KLHL13: variants seen among roughly 807,000 people sequenced by gnomAD.
KLHL13 encodes the protein kelch like family member 13.
A neutral mutation model predicts 37.1 loss-of-function variants in KLHL13; 10 were observed. The ratio of observed to expected loss-of-function variants is 0.27; its 90% CI spans 0.17 to 0.46. The LOEUF (loss-of-function observed/expected upper bound fraction) is 0.46, where lower values mean the gene tolerates loss of function less well. Ranked by LOEUF, KLHL13 falls within the 20% of genes least tolerant of loss-of-function variation. KLHL13 has a pLI of 1.00. For synonymous variants in KLHL13, 163 were observed against 181.2 expected (o/e 0.90, Z 0.81); for missense variants, 360 against 509.3 (o/e 0.71, Z 2.82).
At chrX:118,065,513 C>T (rs1162750316) in intron 1 of KLHL13, among the ~76,000 whole-genome samples, 1 of 111,320 alleles carries the variant, frequency 9.0e-6, no homozygotes, top group East Asian at 2.8e-4. Flanking sequence ...GGAATTGGAG[C>T]AGAGCAATTC....
chrX:118,086,194 C>T (rs1327053469), intron 1 of KLHL13, among the ~76,000 whole-genome samples: 3 of 111,792 alleles, frequency 2.7e-5, no homozygotes, highest in African/African-American at 6.5e-5. Flanking sequence ...CCTTGGCCTC[C>T]CAAAGTGCTG....
At chrX:118,012,394 T>C (rs1005682229) in intron 1 of KLHL13, among the ~76,000 whole-genome samples, 20 of 110,543 alleles carry the variant, frequency 1.8e-4, no homozygotes, top group Non-Finnish European at 3.2e-4. Flanking sequence ...TTATTTTTTT[T>C]CCCCAGATTC....
intron 1 of KLHL13, among the ~76,000 whole-genome samples, chrX:118,110,110 T>C (rs2055391375): frequency 9.0e-6 from 1 of 111,722 alleles, no homozygotes. Flanking sequence ...CAAGATGTTA[T>C]ATAAAGATAA....
chrX:117,957,548 A>G (rs2053223458), intron 1 of KLHL13, among the ~76,000 whole-genome samples: 1 of 112,464 alleles, frequency 8.9e-6, no homozygotes, highest in South Asian at 3.6e-4. Flanking sequence ...CTTGCTAAAC[A>G]AGTAATGTGT....
chrX:118,033,289 G>C (rs372714795), intron 1 of KLHL13, among the ~76,000 whole-genome samples: 1 of 110,934 alleles, frequency 9.0e-6, no homozygotes, highest in Admixed American at 9.6e-5. Flanking sequence ...ACACATAATT[G>C]TCACATTCAC....
intron 1 of KLHL13, among the ~76,000 whole-genome samples, chrX:117,996,830 TA>T (rs5903508): frequency 0.13 from 12,534 of 94,552 alleles, 907 homozygotes; most frequent in African/African-American, 0.27. Context: ...ATAGCCTATT[TA>T]AAAAAAAAAA....
intron 1 of KLHL13, among the ~76,000 whole-genome samples, chrX:117,965,920 T>C (rs1297973736): frequency 1.8e-5 from 2 of 111,511 alleles, no homozygotes; most frequent in South Asian, 3.8e-4. Flanking sequence ...TAATAAGAGC[T>C]ATCTATGACA....
Position 118,076,676 on chromosome X carries a change from A to G in KLHL13, c.-56+39832T>C, listed in dbSNP as rs779414803. On this transcript the variant is annotated intron_variant, in intron 1 of 6. Transcript: ENST00000371882. ...AAGTAGGTTATCCTTCCTAATGTTG[A>G]TGAGTCTCATCCAATCATTTGAAGG... is the stretch of plus-strand genomic sequence containing the variant. Among the ~76,000 whole-genome samples, 20 of 111,148 alleles carry G rather than the reference A, an allele frequency of 1.8e-4. No homozygotes were observed. The South Asian group carries it at 7.3e-3, about 40-fold the overall frequency.
At chrX:117,917,543 G>C (rs1388893619) in intron 4 of KLHL13, among the ~76,000 whole-genome samples, 2 of 112,149 alleles carry the variant, frequency 1.8e-5, no homozygotes, top group Non-Finnish European at 3.8e-5. Context: ...CTAATTACTG[G>C]AAATTAGCAA....
intron 1 of KLHL13, among the ~76,000 whole-genome samples, chrX:117,990,538 C>T (rs1415775147): frequency 9.0e-6 from 1 of 111,651 alleles, no homozygotes; most frequent in Admixed American, 9.5e-5. Context: ...ACTGTTAAAT[C>T]CTATTAAATT....
At chrX:118,105,036 T>A (rs1169360272) in intron 1 of KLHL13, among the ~76,000 whole-genome samples, 1 of 112,369 alleles carries the variant, frequency 8.9e-6, no homozygotes, top group Non-Finnish European at 1.9e-5. Context: ...AAAGTTTTTT[T>A]CCAGTTTAAA....
intron 1 of KLHL13, among the ~76,000 whole-genome samples, chrX:118,049,310 G>A (rs1211917435): frequency 1.8e-5 from 2 of 111,732 alleles, no homozygotes; most frequent in Non-Finnish European, 3.8e-5. Flanking sequence ...TCAAAAAACC[G>A]CAAAATCTAG....
rs769865195 is a variant in KLHL13 at position 117,959,466 on chromosome X, T to C, written c.98+13265A>G. On this transcript the variant is annotated intron_variant, in intron 1 of 6. Coordinates refer to ENST00000262820, the Ensembl canonical transcript of KLHL13. ...GTCAGACAAGAGAAGAGCTCTGATA[T>C]AATCACATTTAATAAAGAGAAACCT... is the stretch of plus-strand genomic sequence containing the variant. 8.8e-4 allele frequency among the ~76,000 whole-genome samples: 99 copies of C among 112,530 alleles called. 1 individual carries two copies. The highest frequency in any genetic ancestry group is 1.8e-3 in the South Asian group (5 of 2,741).
chrX:118,104,053 A>C (rs907788370), intron 1 of KLHL13, among the ~76,000 whole-genome samples: 1 of 87,981 alleles, frequency 1.1e-5, no homozygotes, highest in African/African-American at 4.6e-5. Flanking sequence ...TCCACTAAAA[A>C]AAAAAAAAAA....
chrX:118,033,845 C>T (rs1331014002), intron 1 of KLHL13, among the ~76,000 whole-genome samples: 12 of 107,738 alleles, frequency 1.1e-4, no homozygotes, highest in Non-Finnish European at 2.1e-4. Context: ...TCAGGAAACC[C>T]ATCTCACGTG....
intron 1 of KLHL13, among the ~76,000 whole-genome samples, chrX:118,061,189 A>T (rs922503281): frequency 2.7e-5 from 3 of 111,915 alleles, no homozygotes; most frequent in African/African-American, 9.7e-5. Flanking sequence ...GTTGTTTTTT[A>T]AGAAATGCAA....
At chrX:118,050,082 C>T (rs1437508776) in intron 1 of KLHL13, among the ~76,000 whole-genome samples, 1 of 111,569 alleles carries the variant, frequency 9.0e-6, no homozygotes, top group Non-Finnish European at 1.9e-5. Flanking sequence ...AGGAGAGTCT[C>T]ACTATATTGC....
At chrX:117,969,994 T>G (rs1001020032) in intron 1 of KLHL13, among the ~76,000 whole-genome samples, 1 of 111,649 alleles carries the variant, frequency 9.0e-6, no homozygotes, top group Non-Finnish European at 1.9e-5. Flanking sequence ...GTAAGTAAAA[T>G]GTTCTCTATT....
chrX:117,990,566 T>C (rs961565835), intron 1 of KLHL13, among the ~76,000 whole-genome samples: 1 of 111,786 alleles, frequency 8.9e-6, no homozygotes, highest in Admixed American at 9.5e-5. Context: ...CTACAAGTCA[T>C]GACGAAAGAG....
Sources: gnomAD v4.1 joint callset for allele counts (sites outside exome capture counted in the v4.1 genomes callset) on GRCh38, gnomAD v4.1.1 for gene constraint, MANE v1.5 for transcripts, NCBI Gene and HGNC (gene_info 2026-07-23, HGNC 2026-07-21) for gene names.